Variants in TMEM38B observed in about 807,000 individuals in gnomAD.
The protein encoded by TMEM38B is transmembrane protein 38B.
A neutral mutation model predicts 28.7 loss-of-function variants in TMEM38B; 24 were observed. The ratio of observed to expected loss-of-function variants is 0.84; its 90% CI spans 0.61 to 1.18. TMEM38B has a LOEUF of 1.18. Ranked by LOEUF, TMEM38B falls within the 50% of genes most tolerant of loss-of-function variation. TMEM38B has a pLI of 0.00. For synonymous variants in TMEM38B, 131 were observed against 127.7 expected, an observed-to-expected ratio of 1.03 and a Z score of -0.17; for missense variants, 380 against 350.9, an observed-to-expected ratio of 1.08 and a Z score of -0.66.
At chr9:105,720,021 T>C (rs1360901437) in intron 2 of TMEM38B, among the ~76,000 whole-genome samples, 2 of 152,122 alleles carry the variant, frequency 1.3e-5, no homozygotes, top group Admixed American at 1.3e-4. Flanking sequence ...TCAAATTTTC[T>C]ATGAATGTGT....
intron 2 of TMEM38B, among the ~76,000 whole-genome samples, chr9:105,715,954 T>C (rs895027276): frequency 6.6e-6 from 1 of 152,248 alleles, no homozygotes; most frequent in Non-Finnish European, 1.5e-5. Context: ...TTGATACTTT[T>C]GGTCATTTTT....
chr9:105,705,816 A>G, intron 2 of TMEM38B, 63 bp downstream of exon 2: 2 of 1,508,800 alleles, frequency 1.3e-6, no homozygotes, highest in Non-Finnish European at 1.8e-6. Context: ...TTGTTAGTAA[A>G]ATGAATTTTT....
chr9:105,752,283 GA>G (rs1379028746), intron 5 of TMEM38B, among the ~76,000 whole-genome samples: 2 of 152,068 alleles, frequency 1.3e-5, no homozygotes, highest in Non-Finnish European at 2.9e-5. Context: ...TTCAGACAAG[GA>G]AGGTCTCCCC....
chr9:105,760,224 T>TGA (rs1837989815), intron 5 of TMEM38B: 18 of 876,990 alleles, frequency 2.1e-5, no homozygotes, highest in Non-Finnish European at 3.1e-5. Flanking sequence ...TGTCCAAACT[T>TGA]CATGATGCAA....
At chr9:105,709,627 TACTG>T (rs374696978) in intron 2 of TMEM38B, among the ~76,000 whole-genome samples, 17 of 152,342 alleles carry the variant, frequency 1.1e-4, no homozygotes, top group African/African-American at 4.1e-4. Context: ...TTGCTGAACA[TACTG>T]ACTAGGATAG....
chr9:105,722,232 C>T (rs774515011), intron 3 of TMEM38B, among the ~76,000 whole-genome samples: 2 of 151,966 alleles, frequency 1.3e-5, no homozygotes, highest in South Asian at 2.1e-4. Context: ...CACCTGAAAC[C>T]GGTCGTATCA....
intron 1 of TMEM38B, among the ~76,000 whole-genome samples, chr9:105,700,316 C>T (rs946296286): frequency 1.3e-5 from 2 of 152,154 alleles, no homozygotes; most frequent in East Asian, 3.8e-4. Context: ...CTTTTCTACA[C>T]AATAATAGTA....
intron 5 of TMEM38B, chr9:105,759,270 A>G: frequency 1.4e-6 from 1 of 730,654 alleles, no homozygotes; most frequent in Non-Finnish European, 2.5e-6. Flanking sequence ...AGATAGATCC[A>G]GTGGGATACA....
At chr9:105,737,571 G>A (rs1364273297) in intron 4 of TMEM38B, among the ~76,000 whole-genome samples, 1 of 152,198 alleles carries the variant, frequency 6.6e-6, no homozygotes, top group Non-Finnish European at 1.5e-5. Context: ...GAGGAAGTGG[G>A]ATGCCTCAGC....
rs377630880 is a variant in TMEM38B, at chr9:105,705,642, C to G, written c.158C>G (p.Thr53Ser). The change falls in exon 2 of 6, where the codon ACT becomes AGT. Residue 53 changes from threonine (T) to serine (S), a missense_variant. Coordinates refer to ENST00000374692, the MANE Select transcript of TMEM38B (RefSeq NM_018112.3). ...AAGAATCCTATTTCAAGCTGGTTTACTGCTATGCTCCACTGTTTTGGTGGA... is the reference window on the plus strand; with the variant it reads ...AAGAATCCTATTTCAAGCTGGTTTAGTGCTATGCTCCACTGTTTTGGTGGA... ...AWKNPISSWFTAMLHCFGGGI... is the reference protein window; with the variant it reads ...AWKNPISSWFSAMLHCFGGGI... The G allele has an allele frequency of 3.0e-5, 49 of 1,613,910 alleles. No individual in the cohort carries two copies. The highest frequency in any genetic ancestry group is 4.2e-5 in the Non-Finnish European group (49 of 1,180,002).
chr9:105,725,693 A>G (rs1168367410), intron 4 of TMEM38B, among the ~76,000 whole-genome samples: 1 of 152,152 alleles, frequency 6.6e-6, no homozygotes, highest in Non-Finnish European at 1.5e-5. Flanking sequence ...TTGTGTATCT[A>G]AACATACCTA....
intron 2 of TMEM38B, 148 bp downstream of exon 2, chr9:105,705,901 G>A (rs1418410111): frequency 1.3e-6 from 1 of 745,978 alleles, no homozygotes; most frequent in African/African-American, 1.8e-5. Flanking sequence ...AATGCTAAGG[G>A]GTTTTTTTTT....
intron 5 of TMEM38B, among the ~76,000 whole-genome samples, chr9:105,754,360 A>G (rs1363708911): frequency 6.6e-6 from 1 of 152,198 alleles, no homozygotes; most frequent in African/African-American, 2.4e-5. Flanking sequence ...ACAGCACTTA[A>G]TATAAAACTG....
Position 105,758,142 on chromosome 9 carries a change from G to A in TMEM38B, c.660+9952G>A, listed in dbSNP as rs878955395. The A allele has an allele frequency of 2.6e-5, 14 of 547,436 alleles. No individual in the cohort carries two copies. The East Asian group carries it at 3.3e-4, about 13-fold the overall frequency. The allele number at this position is 547,436 out of a possible 1,614,324, so 33.9% of individuals were successfully genotyped here. On this transcript the variant is annotated intron_variant, in intron 5 of 5. Coordinates refer to ENST00000374692, the MANE Select transcript of TMEM38B (RefSeq NM_018112.3). ...GAGTGTTGCCTTCGCTGCCATGGAC[G>A]CCAGTGGGCACTGACAGACCTATGG...
intron 3 of TMEM38B, 43 bp from the exon 4 acceptor site, chr9:105,722,491 G>A: frequency 6.7e-7 from 1 of 1,498,470 alleles, no homozygotes; most frequent in Non-Finnish European, 9.3e-7. Flanking sequence ...TGTTTTACAG[G>A]AAAATTTGGC....
Position 105,769,008 on chromosome 9 carries a change from A to C in TMEM38B, c.661-4857A>C, listed in dbSNP as rs73522007. 2.6e-5 allele frequency among the ~76,000 whole-genome samples: 4 copies of C among 152,328 alleles called. No individual in the cohort carries two copies. The South Asian group carries it at 8.3e-4, about 32-fold the overall frequency. The stretch of plus-strand genomic sequence containing the variant: ...TCCATAAATTGTTTTTTAAAGTTGC[A>C]TGGCAAAAGCCACTGTGGACAAAGT... On this transcript the variant is annotated intron_variant, in intron 5 of 5. Coordinates refer to ENST00000374692, the MANE Select transcript of TMEM38B (RefSeq NM_018112.3).
Position 105,699,838 on chromosome 9 carries a change from TTTTG to T in TMEM38B, c.112+5078_112+5081del, listed in dbSNP as rs1835406968. On this transcript the variant is annotated intron_variant, in intron 1 of 5. Coordinates refer to ENST00000374692, the MANE Select transcript of TMEM38B (RefSeq NM_018112.3). Reference sequence around the variant, plus strand: ...AGTTTGGGCTGATAGTATAAGTTTTTTTTGTTTGTTTGTTTTTCTTTTCTCTGTC... The same window carrying T: ...AGTTTGGGCTGATAGTATAAGTTTTTTTTGTTTGTTTTTCTTTTCTCTGTC... 6.6e-5 allele frequency among the ~76,000 whole-genome samples: 10 copies of T among 152,310 alleles called. No homozygotes were observed. The South Asian group carries it at 1.7e-3, about 25-fold the overall frequency.
intron 1 of TMEM38B, among the ~76,000 whole-genome samples, chr9:105,700,534 A>T (rs969694993): frequency 6.6e-6 from 1 of 152,210 alleles, no homozygotes; most frequent in East Asian, 1.9e-4. Context: ...ATTTCTTACT[A>T]TTCTGTGCCT....
chr9:105,710,407 A>T lies in TMEM38B; in HGVS notation c.269+4654A>T. 4 of 990,710 alleles carry T rather than the reference A, an allele frequency of 4.0e-6. No homozygotes were observed. In the East Asian group the frequency reaches 9.6e-5, roughly 24 times the overall value. The allele number at this position is 990,710 out of a possible 1,614,324, so 61.4% of individuals were successfully genotyped here. ...ACTGACTTCATGATCTCCTTCTTTC[A>T]TAACTTCGGCTTCTAGGACGTCTGT... is the stretch of plus-strand genomic sequence containing the variant. On this transcript the variant is annotated intron_variant, in intron 2 of 5. Transcript: ENST00000374692.
Sources: allele counts gnomAD v4.1 joint callset (sites outside exome capture counted in the v4.1 genomes callset), GRCh38; gene constraint gnomAD v4.1.1; transcripts MANE v1.5; gene names NCBI Gene and HGNC (gene_info 2026-07-23, HGNC 2026-07-21).